Variants in PPP3R1 observed in about 807,000 individuals in gnomAD.
PPP3R1 encodes the protein protein phosphatase 3 regulatory subunit B, alpha.
In PPP3R1, 5 loss-of-function variants were observed where a neutral mutation model predicts 22.6. That is an observed-to-expected ratio of 0.22 (90% CI 0.12 to 0.46). The LOEUF (loss-of-function observed/expected upper bound fraction) is 0.46. PPP3R1 is among the 20% of genes least tolerant of loss of function. The pLI is 0.99. For synonymous variants in PPP3R1, 56 were observed against 65.2 expected (o/e 0.86, Z 0.68); for missense variants, 61 against 203.2 (o/e 0.30, Z 4.25).
chr2:68,241,956 T>C (rs1349918236), intron 1 of PPP3R1, among the ~76,000 whole-genome samples: 2 of 152,010 alleles, frequency 1.3e-5, no homozygotes, highest in African/African-American at 4.8e-5. Context: ...ATGGATACAT[T>C]CTTTATCTAC....
At chr2:68,252,056 GC>G in intron 1 of PPP3R1, 68 bp downstream of exon 1, 6 of 1,332,414 alleles carry the variant, frequency 4.5e-6, no homozygotes, top group Admixed American at 4.9e-5. Context: ...GTCGGGGCTC[GC>G]CCCCGCACCC....
intron 1 of PPP3R1, among the ~76,000 whole-genome samples, chr2:68,246,768 G>A (rs531212749): frequency 5.3e-5 from 8 of 151,840 alleles, no homozygotes; most frequent in Non-Finnish European, 8.8e-5. Context: ...CTCTCTTCAC[G>A]TCTCATTTTA....
At chr2:68,238,471 G>C (rs145766953) in intron 1 of PPP3R1, among the ~76,000 whole-genome samples, 59 of 152,302 alleles carry the variant, frequency 3.9e-4, no homozygotes, top group African/African-American at 1.4e-3. Flanking sequence ...AGGAATCTGA[G>C]AAAGCAGCAG....
In PPP3R1 at chr2:68,242,560, A is replaced by G. The variant is rs537572748; in HGVS notation, c.3+9565T>C. ...TCCTCTGATTATAAGTTCACTCTTT[A>G]CTTGAGAAAGAGTATAAGTTAGTTT... is the stretch of plus-strand genomic sequence containing the variant. On this transcript the variant is annotated intron_variant, in intron 1 of 5. Transcript: ENST00000234310. Among the ~76,000 whole-genome samples the G allele has an allele frequency of 1.8e-3, 278 of 152,368 alleles. 1 individual carries two copies. The highest frequency in any genetic ancestry group is 3.4e-3 in the Middle Eastern group (1 of 294).
At chr2:68,198,397 A>C (rs953850500) in intron 2 of PPP3R1, among the ~76,000 whole-genome samples, 3 of 98,110 alleles carry the variant, frequency 3.1e-5, no homozygotes, top group African/African-American at 4.0e-5. Flanking sequence ...ATATATGTAT[A>C]TATATGTGTA....
chr2:68,247,959 A>T (rs1670267962), intron 1 of PPP3R1, among the ~76,000 whole-genome samples: 1 of 152,174 alleles, frequency 6.6e-6, no homozygotes, highest in Non-Finnish European at 1.5e-5. Flanking sequence ...TGGTCTCTTT[A>T]AAAAAGTAAA....
intron 1 of PPP3R1, among the ~76,000 whole-genome samples, chr2:68,225,889 G>C (rs1483170132): frequency 6.6e-6 from 1 of 152,164 alleles, no homozygotes; most frequent in African/African-American, 2.4e-5. Flanking sequence ...CATGTCCACA[G>C]CAGCTTTATT....
At chr2:68,187,227 AAT>A in intron 4 of PPP3R1, 26 bp downstream of exon 4, 1 of 1,546,568 alleles carries the variant, frequency 6.5e-7, no homozygotes, top group Non-Finnish European at 8.9e-7. Context: ...AGTATAAGAG[AAT>A]GAAGTCAGTG....
At chr2:68,227,336 C>T (rs1431081839) in intron 1 of PPP3R1, among the ~76,000 whole-genome samples, 1 of 151,888 alleles carries the variant, frequency 6.6e-6, no homozygotes, top group Non-Finnish European at 1.5e-5. Context: ...ATGTCTTTAC[C>T]TGCTGAAAGC....
At chr2:68,215,317 TCC>T (rs1268447958) in intron 2 of PPP3R1, among the ~76,000 whole-genome samples, 1 of 152,070 alleles carries the variant, frequency 6.6e-6, no homozygotes, top group East Asian at 1.9e-4. Flanking sequence ...ACACCTATAT[TCC>T]AAAACCCCCC....
At chr2:68,222,950 TA>T (rs1268918994) in intron 1 of PPP3R1, among the ~76,000 whole-genome samples, 1 of 152,132 alleles carries the variant, frequency 6.6e-6, no homozygotes, top group East Asian at 1.9e-4. Flanking sequence ...TTCATAATGC[TA>T]AAAAAGAGCC....
chr2:68,225,666 C>A (rs1669767143), intron 1 of PPP3R1, among the ~76,000 whole-genome samples: 1 of 152,176 alleles, frequency 6.6e-6, no homozygotes, highest in Admixed American at 6.5e-5. Context: ...ATTTGTTACA[C>A]AGCAACAGAA....
intron 2 of PPP3R1, among the ~76,000 whole-genome samples, chr2:68,207,102 G>GA (rs11414849): frequency 0.32 from 40,986 of 128,420 alleles, 6,830 homozygotes; most frequent in South Asian, 0.55. Flanking sequence ...GAGGTTTTGG[G>GA]AAAAAAAAAA....
chr2:68,241,642 C>T (rs1670139657), intron 1 of PPP3R1, among the ~76,000 whole-genome samples: 1 of 152,070 alleles, frequency 6.6e-6, no homozygotes, highest in Non-Finnish European at 1.5e-5. Flanking sequence ...AGGTCAGGAG[C>T]TGGCCAACTT....
At chr2:68,215,002 G>A (rs538328035) in intron 2 of PPP3R1, among the ~76,000 whole-genome samples, 2 of 152,152 alleles carry the variant, frequency 1.3e-5, no homozygotes, top group Admixed American at 1.3e-4. Flanking sequence ...GATGCAGCCG[G>A]AAACCATTAT....
At chr2:68,228,645 T>C (rs1018097474) in intron 1 of PPP3R1, among the ~76,000 whole-genome samples, 4 of 152,102 alleles carry the variant, frequency 2.6e-5, no homozygotes, top group Admixed American at 6.5e-5. Context: ...CTGTTTTTTA[T>C]TTCATTTACT....
rs76823486 is a variant in PPP3R1 at position 68,223,624 on chromosome 2, A to G, written c.4-6493T>C. Among the ~76,000 whole-genome samples, 995 of 152,272 alleles carry G rather than the reference A, an allele frequency of 6.5e-3. 30 individuals carry two copies. The East Asian group carries it at 0.095, about 15-fold the overall frequency. ...CATGGCCAACCAAACAGACGCAATA[A>G]AAGCATCTGACAAATTGCAACATCC... On this transcript the variant is annotated intron_variant, in intron 1 of 5. Coordinates refer to ENST00000234310, the MANE Select transcript of PPP3R1 (RefSeq NM_000945.4).
At position 68,252,247 on chromosome 2, in the gene PPP3R1, G is replaced by C. The variant is rs888737373; in HGVS notation, c.-120C>G. ...CGGCCCTCGGGTCGCCGGCGGGGAG[G>C]GGGCGCGCGTGGGGGAGGGGAGGCG... On this transcript the variant is annotated 5_prime_UTR_variant, in exon 1 of 6. Transcript: ENST00000234310. 2.8e-6 allele frequency: 3 copies of C among 1,089,280 alleles called. No homozygotes were observed. The highest frequency in any genetic ancestry group is 3.4e-6 in the Non-Finnish European group (3 of 894,600). The allele number at this position is 1,089,280 out of a possible 1,614,324, so 67.5% of individuals were successfully genotyped here. A position where few individuals can be genotyped will look rare whatever the true frequency, so the allele number is the denominator to read the frequency against.
intron 2 of PPP3R1, among the ~76,000 whole-genome samples, chr2:68,207,648 T>G (rs1180115110): frequency 6.6e-6 from 1 of 152,102 alleles, no homozygotes; most frequent in Non-Finnish European, 1.5e-5. Flanking sequence ...GACTGAGAAA[T>G]AAAAAATTAA....
Sources: allele counts gnomAD v4.1 joint callset (sites outside exome capture counted in the v4.1 genomes callset), GRCh38; gene constraint gnomAD v4.1.1; transcripts MANE v1.5; gene names NCBI Gene and HGNC (gene_info 2026-07-23, HGNC 2026-07-21).